MAP3K1: variants seen among roughly 807,000 people sequenced by gnomAD.
MAP3K1 encodes the protein mitogen-activated protein kinase kinase kinase 1.
A neutral mutation model predicts 144.2 loss-of-function variants in MAP3K1; 36 were observed. The observed-to-expected ratio is 0.25, with a 90% confidence interval of 0.19 to 0.33. The LOEUF is 0.33. Among genes scored for constraint, MAP3K1 ranks in the 10% least tolerant of loss-of-function variants. MAP3K1 has a pLI of 1.00. For synonymous variants in MAP3K1, 718 were observed against 688.7 expected, an observed-to-expected ratio of 1.04 and a Z score of -0.67; for missense variants, 1,650 against 1,881.9, an observed-to-expected ratio of 0.88 and a Z score of 2.28.
At position 56,880,015 on chromosome 5, in the gene MAP3K1, C is replaced by T. The variant is rs1249036182; in HGVS notation, c.2088-696C>T. Among the ~76,000 whole-genome samples the T allele has an allele frequency of 3.4e-4, 51 of 152,120 alleles. 2 individuals carry two copies. The highest frequency in any genetic ancestry group is 3.3e-3 in the Admixed American group (51 of 15,262). On this transcript the variant is annotated intron_variant, in intron 11 of 19. Transcript: ENST00000399503. The stretch of plus-strand genomic sequence containing the variant: ...CTCATATCATGAAGTCTGTCTTTTG[C>T]CTCTATTGTTTTCTCTATAGATTGA...
At chr5:56,888,173 C>T in intron 18 of MAP3K1, 53 bp from the exon 19 acceptor site, 2 of 1,547,204 alleles carry the variant, frequency 1.3e-6, no homozygotes, top group African/African-American at 1.4e-5. Flanking sequence ...TACAAAATGG[C>T]CTTCTCTTTT....
chr5:56,820,334 A>G (rs1746116086), intron 1 of MAP3K1: 33 of 670,742 alleles, frequency 4.9e-5, no homozygotes, highest in Non-Finnish European at 5.7e-5. Flanking sequence ...ATTTCTTTCC[A>G]CTACTCTGCT....
At chr5:56,888,777 G>A (rs1301014347) in intron 19 of MAP3K1, among the ~76,000 whole-genome samples, 1 of 152,164 alleles carries the variant, frequency 6.6e-6, no homozygotes, top group Non-Finnish European at 1.5e-5. Flanking sequence ...AAGCTATAAT[G>A]TTTGGCAGGT....
intron 6 of MAP3K1, among the ~76,000 whole-genome samples, chr5:56,869,508 T>C (rs1747787423): frequency 6.6e-6 from 1 of 152,156 alleles, no homozygotes; most frequent in Non-Finnish European, 1.5e-5. Context: ...ATTATGTATA[T>C]GAAGAGTTTA....
At chr5:56,876,080 A>G (rs1748018515) in intron 10 of MAP3K1, among the ~76,000 whole-genome samples, 1 of 150,094 alleles carries the variant, frequency 6.7e-6, no homozygotes, top group African/African-American at 2.5e-5. Context: ...GTAATTTAGG[A>G]GACTAACTGG....
intron 1 of MAP3K1, among the ~76,000 whole-genome samples, chr5:56,820,101 T>C (rs1746108620): frequency 6.6e-6 from 1 of 152,182 alleles, no homozygotes. Context: ...AGATACCTTT[T>C]ACATAATCAA....
At chr5:56,823,791 G>A (rs979255875) in intron 1 of MAP3K1, among the ~76,000 whole-genome samples, 1 of 152,184 alleles carries the variant, frequency 6.6e-6, no homozygotes, top group East Asian at 1.9e-4. Flanking sequence ...ATGTAGTAGA[G>A]AGCAAATAGC....
chr5:56,893,775 C>A lies in MAP3K1; in HGVS notation c.*95C>A. ...CATTGATATTCTACTGGCCATGATGCCACTGAACAGCTATGAACGAGGCCA... is the reference window on the plus strand; with the variant it reads ...CATTGATATTCTACTGGCCATGATGACACTGAACAGCTATGAACGAGGCCA... On this transcript the variant is annotated 3_prime_UTR_variant, in exon 20 of 20. Coordinates refer to ENST00000399503, the MANE Select transcript of MAP3K1 (RefSeq NM_005921.2). 2 of 1,344,686 alleles carry A rather than the reference C, an allele frequency of 1.5e-6. No individual in the cohort carries two copies. Among genetic ancestry groups the A allele is most frequent in the Non-Finnish European group, 2.1e-6 (2 of 957,542 alleles). The allele number at this position is 1,344,686 out of a possible 1,614,324, so 83.3% of individuals were successfully genotyped here.
In MAP3K1 at chr5:56,815,987, C is replaced by A; in HGVS notation, c.414C>A (p.Pro138=). The A allele has an allele frequency of 8.0e-7, 1 of 1,247,928 alleles. No individual in the cohort carries two copies. The highest frequency in any genetic ancestry group is 3.3e-5 in the East Asian group (1 of 30,526). 77.3% of individuals were successfully genotyped at this position (1,247,928 alleles called of 1,614,324 possible). A position where few individuals can be genotyped will look rare whatever the true frequency, so the allele number is the denominator to read the frequency against. The change falls in exon 1 of 20, where the codon CCC becomes CCA. Residue 138 remains proline, a synonymous_variant. Coordinates refer to ENST00000399503, the MANE Select transcript of MAP3K1 (RefSeq NM_005921.2). ...CGCCGGACAGCGGCGCCTCGAGTCC[C>A]GCAGCGGCCGAGCCCGGGGAGAAGC... ...VAAPDSGASS[P]AAAEPGEKRA...
intron 6 of MAP3K1, among the ~76,000 whole-genome samples, chr5:56,871,575 T>C (rs531791751): frequency 6.6e-6 from 1 of 152,270 alleles, no homozygotes; most frequent in Admixed American, 6.5e-5. Flanking sequence ...TGTAGTGTAT[T>C]TTTATACATA....
intron 1 of MAP3K1, among the ~76,000 whole-genome samples, chr5:56,849,608 T>C (rs561271546): frequency 1.3e-5 from 2 of 152,338 alleles, no homozygotes; most frequent in East Asian, 1.9e-4. Context: ...TGTTGTATCA[T>C]ATAAAGATGG....
At chr5:56,847,486 A>G (rs974766695) in intron 1 of MAP3K1, among the ~76,000 whole-genome samples, 6 of 152,184 alleles carry the variant, frequency 3.9e-5, no homozygotes, top group Non-Finnish European at 5.9e-5. Context: ...AATCCCAGCT[A>G]CTAGGGAGGC....
chr5:56,887,286 C>T (rs1315796766), intron 17 of MAP3K1, 92 bp from the exon 18 acceptor site: 2 of 1,204,358 alleles, frequency 1.7e-6, no homozygotes, highest in East Asian at 4.8e-5. Flanking sequence ...TTTCTTTTGT[C>T]ATTGTCCTAG....
intron 6 of MAP3K1, 105 bp from the exon 7 acceptor site, chr5:56,871,805 A>G: frequency 4.9e-6 from 5 of 1,012,904 alleles, no homozygotes; most frequent in Non-Finnish European, 7.6e-6. Context: ...GCTCTTAAGA[A>G]TTTCTAATGT....
At chr5:56,884,876 C>G in intron 16 of MAP3K1, 50 bp downstream of exon 16, 1 of 1,555,776 alleles carries the variant, frequency 6.4e-7, no homozygotes, top group Non-Finnish European at 8.8e-7. Flanking sequence ...ATTTAACTTT[C>G]TGCAATTTAG....
At chr5:56,868,813 C>G (rs1411536441) in intron 6 of MAP3K1, among the ~76,000 whole-genome samples, 2 of 151,836 alleles carry the variant, frequency 1.3e-5, no homozygotes, top group African/African-American at 4.8e-5. Context: ...TGGAAGCAAC[C>G]CAGGTGTCCA....
At chr5:56,880,292 T>C (rs1748166061) in intron 11 of MAP3K1, among the ~76,000 whole-genome samples, 1 of 152,164 alleles carries the variant, frequency 6.6e-6, no homozygotes, top group African/African-American at 2.4e-5. Flanking sequence ...TTTTATAATA[T>C]TCAGACCTCA....
intron 16 of MAP3K1, among the ~76,000 whole-genome samples, chr5:56,885,122 T>C (rs1026979809): frequency 1.3e-5 from 2 of 152,182 alleles, no homozygotes; most frequent in African/African-American, 4.8e-5. Context: ...CAGGTAGCCA[T>C]GATAAATTGG....
chr5:56,887,298 TC>T, intron 17 of MAP3K1, 79 bp from the exon 18 acceptor site: 1 of 1,303,598 alleles, frequency 7.7e-7, no homozygotes, highest in South Asian at 1.2e-5. Flanking sequence ...TTGTCCTAGT[TC>T]ATTAGTATTG....
Sources: gnomAD v4.1 joint callset for allele counts (sites outside exome capture counted in the v4.1 genomes callset) on GRCh38, gnomAD v4.1.1 for gene constraint, MANE v1.5 for transcripts, NCBI Gene and HGNC (gene_info 2026-07-23, HGNC 2026-07-21) for gene names.